The following ELAC2 variants were observed in gnomAD, a reference collection of about 807,000 sequenced individuals.
ELAC2 encodes elaC ribonuclease Z 2, also known as zinc phosphodiesterase ELAC protein 2.
A neutral mutation model predicts 105.2 loss-of-function variants in ELAC2; 92 were observed. That is an observed-to-expected ratio of 0.87 (90% CI 0.74 to 1.04). ELAC2 has a LOEUF of 1.04. Ranked by LOEUF, ELAC2 falls within the 50% of genes least tolerant of loss-of-function variation. ELAC2 has a pLI of 0.00. For missense variants in ELAC2, 1,099 were observed against 1,071.7 expected (o/e 1.03, Z -0.36); for synonymous variants, 468 against 409.1 (o/e 1.14, Z -1.74).
At chr17:12,995,848 G>A (rs1311330914) in intron 18 of ELAC2, 36 bp from the exon 19 acceptor site, 1 of 1,590,444 alleles carries the variant, frequency 6.3e-7, no homozygotes, top group Non-Finnish European at 8.6e-7. Flanking sequence ...CTCGACGACA[G>A]AACATCTCAA....
At chr17:13,003,891 C>T (rs61312298) in intron 11 of ELAC2, 7,730 of 343,696 alleles carry the variant, frequency 0.022, 320 homozygotes, top group East Asian at 0.14. Flanking sequence ...AAAGCCAGAC[C>T]CAGGCTCTCC....
Position 13,013,240 on chromosome 17 carries a change from C to T in ELAC2, c.526G>A (p.Glu176Lys). 1.2e-6 allele frequency: 2 copies of T among 1,614,154 alleles called. No homozygotes were observed. Among genetic ancestry groups the T allele is most frequent in the Non-Finnish European group, 1.7e-6 (2 of 1,180,026 alleles). Residue 176 changes from glutamate to lysine, a missense_variant, in exon 6 of 24, where the codon GAA (glutamate) becomes AAA (lysine). Physicochemically the swap from Glu to Lys is moderately conservative, Grantham distance 56. Transcript: ENST00000338034. ...RPHSAPEYED[E>K]TMTVYQIPIH... ...GGGATCTGGTAAACTGTCATGGTTT[C>T]ATCCTCGTATTCTGGGGCAGAGTGG...
intron 8 of ELAC2, chr17:13,006,186 C>G (rs975614527): frequency 1.7e-6 from 1 of 588,580 alleles, no homozygotes; most frequent in Admixed American, 2.7e-5. Context: ...GCCTGACCAA[C>G]GTGGAGAAAC....
rs370493014 is a variant in ELAC2, at chr17:13,000,282, A to AGAG, written c.1305-9_1305-8insCTC. ...CAAGTAATAATGGCATCCCTGCAGG[A>AGAG]AGAGAGAGAAGCATCTCAGGTGACG... On this transcript the variant is annotated splice_polypyrimidine_tract_variant and intron_variant, in intron 14 of 23. Coordinates refer to ENST00000338034, the MANE Select transcript of ELAC2 (RefSeq NM_018127.7). 7.9e-3 allele frequency: 12,807 copies of AGAG among 1,612,664 alleles called. 435 individuals are homozygous for AGAG. In the East Asian group the frequency reaches 0.14, roughly 17 times the overall value.
At chr17:13,010,458 T>C (rs1268630149) in intron 8 of ELAC2, among the ~76,000 whole-genome samples, 155 bp downstream of exon 8, 2 of 152,220 alleles carry the variant, frequency 1.3e-5, no homozygotes, top group Admixed American at 6.5e-5. Flanking sequence ...CGTGAGCCAC[T>C]GCACCCGGCC....
intron 21 of ELAC2, 24 bp downstream of exon 21, chr17:12,994,740 T>A (rs775834425): frequency 6.2e-7 from 1 of 1,613,570 alleles, no homozygotes; most frequent in Non-Finnish European, 8.5e-7. Context: ...AACCTCAGGG[T>A]GGCTTGCTTC....
chr17:13,000,403 G>C (rs528816334), intron 14 of ELAC2, 129 bp from the exon 15 acceptor site: 2 of 866,514 alleles, frequency 2.3e-6, no homozygotes, highest in African/African-American at 3.3e-5. Context: ...AACACTGAAG[G>C]TTAAGTGACT....
At chr17:12,997,094 C>T (rs1338275495) in intron 16 of ELAC2, among the ~76,000 whole-genome samples, 5 of 152,172 alleles carry the variant, frequency 3.3e-5, no homozygotes, top group Admixed American at 6.5e-5. Flanking sequence ...CAGCTGCCAT[C>T]GGACTTTTCC....
chr17:13,002,639 G>GT lies in ELAC2; in HGVS notation c.1080-61dup. 3 of 1,557,468 alleles carry GT rather than the reference G, an allele frequency of 1.9e-6. No homozygotes were observed. The Admixed American group carries it at 5.7e-5, about 30-fold the overall frequency. On this transcript the variant is annotated intron_variant, in intron 12 of 23. Coordinates refer to ENST00000338034, the MANE Select transcript of ELAC2 (RefSeq NM_018127.7). ...GTTAGGAGGCAGCTCCCCCTGAGGA[G>GT]TGGTGCTGAGCTCAGGAGTGGTAAT... is the stretch of plus-strand genomic sequence containing the variant.
intron 14 of ELAC2, 178 bp from the exon 15 acceptor site, chr17:13,000,452 C>A: frequency 1.5e-6 from 1 of 660,502 alleles, no homozygotes; most frequent in Non-Finnish European, 2.7e-6. Context: ...CTTTTGGATG[C>A]TGCATCGCTC....
chr17:13,017,391 A>C, intron 1 of ELAC2: 1 of 628,226 alleles, frequency 1.6e-6, no homozygotes, highest in East Asian at 2.8e-5. Flanking sequence ...TCCACCCCAC[A>C]CGCTAACAAC....
chr17:13,005,548 A>T (rs921739588), intron 10 of ELAC2, among the ~76,000 whole-genome samples: 1 of 152,210 alleles, frequency 6.6e-6, no homozygotes, highest in Non-Finnish European at 1.5e-5. Flanking sequence ...CTAAATGGAC[A>T]ATCTACAAAA....
At chr17:13,015,656 A>T in intron 4 of ELAC2, 112 bp downstream of exon 4, 1 of 864,406 alleles carries the variant, frequency 1.2e-6, no homozygotes, top group Non-Finnish European at 2.0e-6. Flanking sequence ...AAGCGTTTCA[A>T]CGACCAGGTA....
At chr17:12,993,918 G>A (rs1460441408) in intron 22 of ELAC2, 87 bp from the exon 23 acceptor site, 8 of 1,595,586 alleles carry the variant, frequency 5.0e-6, no homozygotes, top group African/African-American at 1.3e-5. Flanking sequence ...GCCATCAACT[G>A]CCAGGGCACC....
At chr17:12,999,573 T>C (rs1247442001) in intron 15 of ELAC2, among the ~76,000 whole-genome samples, 1 of 152,256 alleles carries the variant, frequency 6.6e-6, no homozygotes, top group African/African-American at 2.4e-5. Context: ...AGGTGTTCAC[T>C]AAAACGTTTC....
chr17:13,001,419 G>T (rs968010869), intron 14 of ELAC2, among the ~76,000 whole-genome samples: 1 of 152,144 alleles, frequency 6.6e-6, no homozygotes, highest in African/African-American at 2.4e-5. Flanking sequence ...TTGAACCCGG[G>T]AGGCGGAGGT....
At chr17:13,017,164 C>T in intron 1 of ELAC2, 43 bp from the exon 2 acceptor site, 3 of 1,520,098 alleles carry the variant, frequency 2.0e-6, no homozygotes, top group Non-Finnish European at 2.7e-6. Flanking sequence ...AGGTTTTATT[C>T]TGTAAACTCT....
chr17:12,995,628 A>C, intron 19 of ELAC2, 75 bp downstream of exon 19: 1 of 1,395,876 alleles, frequency 7.2e-7, no homozygotes, highest in Non-Finnish European at 9.9e-7. Flanking sequence ...TAACTACCCC[A>C]GTGTCCACCT....
intron 16 of ELAC2, among the ~76,000 whole-genome samples, chr17:12,997,232 C>T (rs566695752): frequency 6.6e-6 from 1 of 152,306 alleles, no homozygotes; most frequent in African/African-American, 2.4e-5. Context: ...GGGTTTCTGA[C>T]TTGGTTTTAG....
Sources: gnomAD v4.1 joint callset for allele counts (sites outside exome capture counted in the v4.1 genomes callset) on GRCh38, gnomAD v4.1.1 for gene constraint, MANE v1.5 for transcripts, NCBI Gene and HGNC (gene_info 2026-07-23, HGNC 2026-07-21) for gene names.